NUP210L: variants seen among roughly 807,000 people sequenced by gnomAD.
NUP210L encodes the protein nucleoporin 210 like.
Under a neutral mutation model 208.5 loss-of-function variants are expected in NUP210L, and 74 were observed. The ratio of observed to expected loss-of-function variants is 0.35; its 90% CI spans 0.29 to 0.43. The LOEUF (loss-of-function observed/expected upper bound fraction) is 0.43, where lower values mean the gene tolerates loss of function less well. Among genes scored for constraint, NUP210L ranks in the 20% least tolerant of loss-of-function variants. The pLI is 1.00. For synonymous variants in NUP210L, 780 were observed against 816.9 expected (o/e 0.95, Z 0.77); for missense variants, 1,843 against 2,289.4 (o/e 0.81, Z 3.98).
chr1:154,116,385 C>T (rs553155247), intron 12 of NUP210L, among the ~76,000 whole-genome samples: 5 of 150,824 alleles, frequency 3.3e-5, no homozygotes, highest in African/African-American at 9.8e-5. Context: ...GATCACGCCA[C>T]TGCACTCCAG....
intron 7 of NUP210L, 25 bp downstream of exon 7, chr1:154,135,789 A>G: frequency 1.9e-6 from 3 of 1,600,116 alleles, no homozygotes; most frequent in Non-Finnish European, 2.6e-6. Context: ...GTAGACTGGC[A>G]GCTAAAACTT....
At chr1:154,009,082 G>A (rs947122745) in intron 35 of NUP210L, among the ~76,000 whole-genome samples, 8 of 151,954 alleles carry the variant, frequency 5.3e-5, no homozygotes, top group African/African-American at 1.9e-4. Flanking sequence ...GCTAATTTTT[G>A]TATTTTTAGT....
At chr1:154,024,002 G>A (rs889121905) in intron 30 of NUP210L, among the ~76,000 whole-genome samples, 7 of 151,200 alleles carry the variant, frequency 4.6e-5, no homozygotes, top group Non-Finnish European at 1.0e-4. Flanking sequence ...TCTTGGCCAG[G>A]TTGGTCTTGA....
At chr1:154,061,364 C>T (rs962344848) in intron 18 of NUP210L, among the ~76,000 whole-genome samples, 12 of 151,444 alleles carry the variant, frequency 7.9e-5, no homozygotes, top group African/African-American at 1.7e-4. Context: ...GGTGACAGAG[C>T]GAGACTTCAT....
chr1:154,040,625 C>T (rs1450591792), intron 27 of NUP210L, among the ~76,000 whole-genome samples: 1 of 150,786 alleles, frequency 6.6e-6, no homozygotes, highest in Non-Finnish European at 1.5e-5. Flanking sequence ...CTCACTCTGT[C>T]GCCCAGGCTG....
intron 12 of NUP210L, among the ~76,000 whole-genome samples, chr1:154,113,438 G>A (rs966002566): frequency 1.3e-5 from 2 of 151,734 alleles, no homozygotes; most frequent in Non-Finnish European, 2.9e-5. Flanking sequence ...GGCAAACTAC[G>A]GCCTGTATAC....
intron 16 of NUP210L, 116 bp from the exon 17 acceptor site, chr1:154,070,581 T>TA: frequency 1.5e-6 from 1 of 681,278 alleles, no homozygotes; most frequent in Non-Finnish European, 2.3e-6. Context: ...ACCTTAAAAA[T>TA]TTGCAAACTT....
chr1:154,073,814 CAATAAATAAATAAATAAATA>C (rs3073948), intron 16 of NUP210L, among the ~76,000 whole-genome samples: 7 of 131,020 alleles, frequency 5.3e-5, no homozygotes, highest in South Asian at 5.3e-4. Context: ...GACTCTGTCT[CAATAAATAAATAAATAAATA>C]AATAAATAAA....
intron 35 of NUP210L, 98 bp from the exon 36 acceptor site, chr1:154,002,083 A>C: frequency 8.0e-7 from 1 of 1,242,318 alleles, no homozygotes; most frequent in Non-Finnish European, 1.1e-6. Flanking sequence ...ATGCAAATTC[A>C]GCAAAAGAGA....
rs557098651 is a variant in NUP210L, at chr1:154,108,861, G to T, written c.1621-4651C>A. 1.6e-4 allele frequency among the ~76,000 whole-genome samples: 24 copies of T among 151,850 alleles called. 1 individual carries two copies. The South Asian group carries it at 5.0e-3, about 31-fold the overall frequency. On this transcript the variant is annotated intron_variant, in intron 12 of 39. Transcript: ENST00000368559. The stretch of plus-strand genomic sequence containing the variant: ...CACGCCTATAATCCCAGCACTTTGG[G>T]AGGCCAAGGCAGGCAGATCACCTGA...
rs370246174 is a variant in NUP210L at position 154,100,175 on chromosome 1, C to T, written c.1820-32G>A. On this transcript the variant is annotated intron_variant, in intron 13 of 39. Coordinates refer to ENST00000368559, the Ensembl canonical transcript of NUP210L. ...ATCAAAAACCATGATTTTGGCAGGGCGTGGTGGCTCAGGCTTGTAATCCCA... is the reference window on the plus strand; with the variant it reads ...ATCAAAAACCATGATTTTGGCAGGGTGTGGTGGCTCAGGCTTGTAATCCCA... 203 of 1,610,350 alleles carry T rather than the reference C, an allele frequency of 1.3e-4. 1 individual carries two copies. The highest frequency in any genetic ancestry group is 3.2e-4 in the Admixed American group (19 of 59,898).
chr1:154,069,925 A>G (rs1654615986), intron 17 of NUP210L, among the ~76,000 whole-genome samples: 1 of 152,208 alleles, frequency 6.6e-6, no homozygotes, highest in Admixed American at 6.5e-5. Context: ...GCTTGAAACC[A>G]TCATTCTGAG....
intron 12 of NUP210L, among the ~76,000 whole-genome samples, chr1:154,104,834 C>T (rs1656665525): frequency 6.6e-6 from 1 of 152,160 alleles, no homozygotes; most frequent in East Asian, 1.9e-4. Flanking sequence ...TGGTGCTGTG[C>T]TGAGCTTGAA....
chr1:154,063,183 G>A (rs1654228459), intron 17 of NUP210L, among the ~76,000 whole-genome samples: 1 of 152,128 alleles, frequency 6.6e-6, no homozygotes, highest in Non-Finnish European at 1.5e-5. Context: ...ATAGAAGTAC[G>A]TACAGAGCAC....
exon 15 of NUP210L, chr1:154,095,073 G>A: frequency 6.2e-7 from 1 of 1,614,060 alleles, no homozygotes; most frequent in Non-Finnish European, 8.5e-7. Context: ...AGGGCTCCAA[G>A]ATCCATGGAC....
At chr1:154,032,993 G>GAAAAGAAAAGAAAAGAAAAGAAAAGA (rs769771404) in intron 27 of NUP210L, among the ~76,000 whole-genome samples, 1 of 130,054 alleles carries the variant, frequency 7.7e-6, no homozygotes, top group African/African-American at 2.9e-5. Flanking sequence ...GAAAAGAAAA[G>GAAAAGAAAAGAAAAGAAAAGAAAAGA]AAAGAAAGAA....
At chr1:154,121,463 A>G (rs1447424964) in intron 10 of NUP210L, among the ~76,000 whole-genome samples, 1 of 152,144 alleles carries the variant, frequency 6.6e-6, no homozygotes, top group Non-Finnish European at 1.5e-5. Flanking sequence ...TATGTAGTAT[A>G]CATTGTCTTA....
intron 23 of NUP210L, among the ~76,000 whole-genome samples, chr1:154,055,123 T>TTTTCTTTCTTTCTTTC (rs533438783): frequency 2.6e-4 from 30 of 117,238 alleles, no homozygotes; most frequent in East Asian, 5.0e-4. Context: ...TCTTTCTTTC[T>TTTTCTTTCTTTCTTTC]TTTCTTTCTT....
chr1:154,124,628 A>G (rs539546043), intron 10 of NUP210L, among the ~76,000 whole-genome samples: 1 of 152,320 alleles, frequency 6.6e-6, no homozygotes, highest in South Asian at 2.1e-4. Flanking sequence ...ATAAATTGGC[A>G]TATGAAACCT....
Sources: allele counts gnomAD v4.1 joint callset (sites outside exome capture counted in the v4.1 genomes callset), GRCh38; gene constraint gnomAD v4.1.1; transcripts MANE v1.5; gene names NCBI Gene and HGNC (gene_info 2026-07-23, HGNC 2026-07-21).